The following ZNF385D variants were observed in gnomAD, a reference collection of about 807,000 sequenced individuals.
ZNF385D encodes the protein zinc finger protein 659.
In ZNF385D, 15 loss-of-function variants were observed where a neutral mutation model predicts 35.8. The ratio of observed to expected loss-of-function variants is 0.42; its 90% CI spans 0.28 to 0.64. The LOEUF (loss-of-function observed/expected upper bound fraction) is 0.64, where lower values mean the gene tolerates loss of function less well. Among genes scored for constraint, ZNF385D ranks in the 30% least tolerant of loss-of-function variants. The pLI, the probability that ZNF385D is intolerant of heterozygous loss-of-function variation, is 0.23. For missense variants in ZNF385D, 474 were observed against 494.6 expected, an observed-to-expected ratio of 0.96 and a Z score of 0.39; for synonymous variants, 212 against 186.8, an observed-to-expected ratio of 1.13 and a Z score of -1.10.
rs1003030787 is a variant in ZNF385D at position 21,412,929 on chromosome 3, T to C, written c.*8285A>G. 8 of 152,046 alleles carry C rather than the reference T, an allele frequency of 5.3e-5. No homozygotes were observed. The highest frequency in any genetic ancestry group is 1.9e-4 in the African/African-American group (8 of 41,408). 9.4% of individuals were successfully genotyped at this position (152,046 alleles called of 1,614,324 possible). Reference sequence around the variant, plus strand: ...ATATGGGGGATTTTATCACATATCATGTAGGGTGAGAAATTGATGTTTGGG... The same window carrying C: ...ATATGGGGGATTTTATCACATATCACGTAGGGTGAGAAATTGATGTTTGGG... On this transcript the variant is annotated 3_prime_UTR_variant, in exon 8 of 8. Coordinates refer to ENST00000281523, the MANE Select transcript of ZNF385D (RefSeq NM_024697.3).
chr3:21,633,928 G>T (rs975313743), intron 2 of ZNF385D, among the ~76,000 whole-genome samples: 3 of 152,010 alleles, frequency 2.0e-5, no homozygotes, highest in Admixed American at 2.0e-4. Context: ...GGGTACAGTG[G>T]CTCACATCTG....
At chr3:22,090,307 T>C (rs540328904) in intron 3 of ZNF385D, among the ~76,000 whole-genome samples, 1 of 152,294 alleles carries the variant, frequency 6.6e-6, no homozygotes, top group South Asian at 2.1e-4. Context: ...GGAAATGGGA[T>C]ACTAGGAATC....
At chr3:21,686,187 A>G (rs1316954795) in intron 1 of ZNF385D, among the ~76,000 whole-genome samples, 1 of 152,232 alleles carries the variant, frequency 6.6e-6, no homozygotes, top group Non-Finnish European at 1.5e-5. Flanking sequence ...TAGATATTTT[A>G]GGAAAGTGTA....
chr3:21,878,512 C>T (rs1399060197), intron 3 of ZNF385D, among the ~76,000 whole-genome samples: 1 of 142,126 alleles, frequency 7.0e-6, no homozygotes, highest in African/African-American at 2.6e-5. Flanking sequence ...TTTGTGTTTT[C>T]ACTCACTAAT....
At chr3:21,623,316 C>T (rs2125819197) in intron 2 of ZNF385D, among the ~76,000 whole-genome samples, 1 of 152,184 alleles carries the variant, frequency 6.6e-6, no homozygotes, top group African/African-American at 2.4e-5. Context: ...ACTTTTATTA[C>T]ACATTAATAA....
At chr3:21,951,086 G>C (rs1702044237) in intron 3 of ZNF385D, among the ~76,000 whole-genome samples, 1 of 151,704 alleles carries the variant, frequency 6.6e-6, no homozygotes, top group Admixed American at 6.6e-5. Context: ...TGTGAAGAAA[G>C]TCAATGGTAG....
At chr3:21,763,770 G>GT (rs34315708) in intron 3 of ZNF385D, among the ~76,000 whole-genome samples, 26,838 of 152,202 alleles carry the variant, frequency 0.18, 2,881 homozygotes, top group Non-Finnish European at 0.23. Context: ...ACTGTGAACA[G>GT]TAAGTCCATT....
chr3:21,920,253 A>G (rs931387357), intron 3 of ZNF385D, among the ~76,000 whole-genome samples: 1 of 152,172 alleles, frequency 6.6e-6, no homozygotes, highest in African/African-American at 2.4e-5. Context: ...TGAGAGAGAT[A>G]TTGTGACTTA....
At position 21,806,188 on chromosome 3, in the gene ZNF385D, C is replaced by CT. The variant is rs913479925; in HGVS notation, c.326-141161dup. Among the ~76,000 whole-genome samples, 885 of 144,050 alleles carry CT rather than the reference C, an allele frequency of 6.1e-3. 6 individuals are homozygous for CT. Among genetic ancestry groups the CT allele is most frequent in the African/African-American group, 0.019 (736 of 39,272 alleles). The allele number at this position is 144,050 out of a possible 152,430, so 94.5% of individuals were successfully genotyped here. The stretch of plus-strand genomic sequence containing the variant: ...CACTTCTGCATTCCTTCTTTCCTTT[C>CT]TTTTTTTTTTTAAATTTCTTATTTT... On this transcript the variant is annotated intron_variant, in intron 3 of 5. Transcript: ENST00000494108.
chr3:21,658,355 C>G (rs1387159567), intron 2 of ZNF385D, among the ~76,000 whole-genome samples: 1 of 151,940 alleles, frequency 6.6e-6, no homozygotes, highest in Non-Finnish European at 1.5e-5. Flanking sequence ...GGAGATGACT[C>G]GAGTCTATGC....
chr3:22,133,721 G>T (rs1215550573), intron 3 of ZNF385D: 1 of 151,792 alleles, frequency 6.6e-6, no homozygotes, highest in Non-Finnish European at 1.5e-5. Context: ...CAGAAAAGAA[G>T]TAAGACTACA....
chr3:21,428,741 G>C (rs1209996157), intron 5 of ZNF385D, among the ~76,000 whole-genome samples: 5 of 152,020 alleles, frequency 3.3e-5, no homozygotes, highest in Admixed American at 2.6e-4. Flanking sequence ...GCACTCATAA[G>C]TCTACTTCTG....
intron 2 of ZNF385D, among the ~76,000 whole-genome samples, chr3:22,222,538 A>G (rs1698319725): frequency 6.6e-6 from 1 of 152,196 alleles, no homozygotes; most frequent in Admixed American, 6.5e-5. Context: ...TTCATTTTGA[A>G]CTTGCTTTAT....
Position 21,561,456 on chromosome 3 carries a change from T to TC in ZNF385D, c.276+3117dup, listed in dbSNP as rs773320584. ...AGGTGACACCCCACCCTGCTTCTGC[T>TC]CGCCCTCTGTGGGCAGCACCCACTG... On this transcript the variant is annotated intron_variant, in intron 3 of 7. Transcript: ENST00000281523. Among the ~76,000 whole-genome samples, 179 of 152,282 alleles carry TC rather than the reference T, an allele frequency of 1.2e-3. No homozygotes were observed. In the Middle Eastern group the frequency reaches 0.017, roughly 14 times the overall value.
chr3:21,724,442 G>T (rs2068667951), intron 1 of ZNF385D, among the ~76,000 whole-genome samples: 2 of 102,782 alleles, frequency 1.9e-5, no homozygotes, highest in Non-Finnish European at 3.7e-5. Flanking sequence ...TCAAAATAAA[G>T]GGATGCAGGA....
At chr3:22,306,918 C>T (rs1224605482) in intron 2 of ZNF385D, among the ~76,000 whole-genome samples, 1 of 152,146 alleles carries the variant, frequency 6.6e-6, no homozygotes, top group Admixed American at 6.6e-5. Context: ...ACATAAAACA[C>T]AGTCCCAGAA....
intron 3 of ZNF385D, among the ~76,000 whole-genome samples, chr3:21,870,324 T>C (rs906988588): frequency 2.0e-5 from 3 of 152,162 alleles, no homozygotes; most frequent in Non-Finnish European, 4.4e-5. Context: ...CATGTCTTTT[T>C]ATTTAGATGT....
chr3:21,703,804 G>A (rs1225195450), intron 1 of ZNF385D, among the ~76,000 whole-genome samples: 4 of 151,998 alleles, frequency 2.6e-5, no homozygotes, highest in African/African-American at 9.7e-5. Flanking sequence ...TTGACCTTTG[G>A]GATTAAACTG....
At chr3:21,846,620 T>C (rs190336632) in intron 3 of ZNF385D, among the ~76,000 whole-genome samples, 5 of 151,894 alleles carry the variant, frequency 3.3e-5, no homozygotes, top group Non-Finnish European at 7.4e-5. Flanking sequence ...AGCAGCAGAG[T>C]ACTACTGCGG....
Sources: allele counts gnomAD v4.1 joint callset (sites outside exome capture counted in the v4.1 genomes callset), GRCh38; gene constraint gnomAD v4.1.1; transcripts MANE v1.5; gene names NCBI Gene and HGNC (gene_info 2026-07-23, HGNC 2026-07-21).